The following CSNK1G1 variants were observed in gnomAD, a reference collection of about 807,000 sequenced individuals.
CSNK1G1 encodes casein kinase I isoform gamma-1.
In CSNK1G1, 22 loss-of-function variants were observed where a neutral mutation model predicts 59.6. The ratio of observed to expected loss-of-function variants is 0.37; its 90% confidence interval spans 0.26 to 0.53. The LOEUF (loss-of-function observed/expected upper bound fraction) is 0.53. Ranked by LOEUF, CSNK1G1 falls within the 20% of genes least tolerant of loss-of-function variation. The pLI, the probability that CSNK1G1 is intolerant of heterozygous loss-of-function variation, is 0.89. For missense variants in CSNK1G1, 384 were observed against 519.5 expected, an observed-to-expected ratio of 0.74 and a Z score of 2.54; for synonymous variants, 179 against 177.1, an observed-to-expected ratio of 1.01 and a Z score of -0.08.
intron 4 of CSNK1G1, among the ~76,000 whole-genome samples, chr15:64,250,079 G>C (rs948489742): frequency 2.6e-5 from 4 of 152,090 alleles, no homozygotes; most frequent in African/African-American, 9.7e-5. Flanking sequence ...ATGAAACCTA[G>C]AATAACTTAA....
At chr15:64,256,978 C>G (rs1336645692) in intron 3 of CSNK1G1, among the ~76,000 whole-genome samples, 1 of 152,006 alleles carries the variant, frequency 6.6e-6, no homozygotes, top group Admixed American at 6.6e-5. Flanking sequence ...GTGCTTAAGG[C>G]AAATTGACCA....
chr15:64,351,143 C>T (rs1450066566), intron 1 of CSNK1G1, among the ~76,000 whole-genome samples: 1 of 152,112 alleles, frequency 6.6e-6, no homozygotes, highest in Non-Finnish European at 1.5e-5. Context: ...GACTAAATCA[C>T]AGCTCCATAA....
At chr15:64,251,865 T>C (rs1435942067) in intron 3 of CSNK1G1, among the ~76,000 whole-genome samples, 1 of 152,196 alleles carries the variant, frequency 6.6e-6, no homozygotes, top group East Asian at 1.9e-4. Flanking sequence ...CTGGAATGTA[T>C]TCTGCCAGGA....
chr15:64,232,759 A>G (rs994770724), intron 4 of CSNK1G1, among the ~76,000 whole-genome samples: 31 of 152,192 alleles, frequency 2.0e-4, no homozygotes, highest in Non-Finnish European at 4.3e-4. Context: ...GGCAGCCACT[A>G]AAAGCTCTAC....
intron 11 of CSNK1G1, chr15:64,180,128 T>C (rs1398663178): frequency 1.9e-6 from 1 of 532,056 alleles, no homozygotes; most frequent in Admixed American, 3.1e-5. Flanking sequence ...TATGTCTTTT[T>C]CATGTGAACT....
intron 2 of CSNK1G1, among the ~76,000 whole-genome samples, chr15:64,264,344 T>C (rs1384949525): frequency 1.3e-5 from 2 of 151,966 alleles, no homozygotes; most frequent in Non-Finnish European, 2.9e-5. Flanking sequence ...ATAGAAAACC[T>C]GAAGAGAATA....
chr15:64,270,384 A>G (rs985151827), intron 2 of CSNK1G1, among the ~76,000 whole-genome samples: 1 of 151,872 alleles, frequency 6.6e-6, no homozygotes, highest in Non-Finnish European at 1.5e-5. Context: ...AATTATTTTC[A>G]TTGTGATACT....
chr15:64,320,055 C>T (rs924199151), intron 1 of CSNK1G1, among the ~76,000 whole-genome samples: 1 of 151,278 alleles, frequency 6.6e-6, no homozygotes, highest in Non-Finnish European at 1.5e-5. Context: ...CAAGTGAGCA[C>T]CATGACATCT....
intron 11 of CSNK1G1, among the ~76,000 whole-genome samples, chr15:64,178,486 T>C (rs1046390886): frequency 6.9e-5 from 10 of 145,510 alleles, no homozygotes; most frequent in East Asian, 5.8e-4. Flanking sequence ...AATTTTCTTT[T>C]TTTTTTTTTT....
intron 6 of CSNK1G1, among the ~76,000 whole-genome samples, chr15:64,207,824 C>G (rs568699805): frequency 6.6e-6 from 1 of 152,268 alleles, no homozygotes; most frequent in East Asian, 1.9e-4. Context: ...AGAGCAAATT[C>G]TGAATTAAAA....
chr15:64,325,711 G>T (rs1261278793), intron 1 of CSNK1G1, among the ~76,000 whole-genome samples: 2 of 152,062 alleles, frequency 1.3e-5, no homozygotes, highest in African/African-American at 4.8e-5. Context: ...TGCATACCAG[G>T]CACTATGCAA....
At chr15:64,234,572 C>T (rs191772610) in intron 4 of CSNK1G1, among the ~76,000 whole-genome samples, 79 of 152,208 alleles carry the variant, frequency 5.2e-4, no homozygotes, top group Non-Finnish European at 1.0e-3. Flanking sequence ...ACTCACTGCC[C>T]TATGCCAGGA....
rs1895250932 is a variant in CSNK1G1 at position 64,300,191 on chromosome 15, TTTC to T, written c.181+125_181+127del. 5 of 832,142 alleles carry T rather than the reference TTTC, an allele frequency of 6.0e-6. No homozygotes were observed. The African/African-American group carries it at 8.5e-5, about 14-fold the overall frequency. The allele number at this position is 832,142 out of a possible 1,614,324, so 51.5% of individuals were successfully genotyped here. A position where few individuals can be genotyped will look rare whatever the true frequency, so the allele number is the denominator to read the frequency against. On this transcript the variant is annotated intron_variant, in intron 2 of 11. Transcript: ENST00000303052. ...GACTATAGTGCCCCTTCACAAATTA[TTTC>T]TTAACAACAGGTTCTCCTTAAGAAA...
At chr15:64,246,637 AAAGG>A (rs1372891559) in intron 4 of CSNK1G1, among the ~76,000 whole-genome samples, 9 of 103,654 alleles carry the variant, frequency 8.7e-5, no homozygotes, top group African/African-American at 4.2e-4. Context: ...AAAAAAAAAA[AAAGG>A]GGGGGGGGGA....
chr15:64,314,522 T>A (rs1896165100), intron 1 of CSNK1G1, among the ~76,000 whole-genome samples: 2 of 148,788 alleles, frequency 1.3e-5, no homozygotes, highest in African/African-American at 5.0e-5. Context: ...TCAGCAATTT[T>A]AAAATGTACA....
chr15:64,302,202 C>T (rs923910227), intron 1 of CSNK1G1, among the ~76,000 whole-genome samples: 2 of 152,086 alleles, frequency 1.3e-5, no homozygotes, highest in African/African-American at 4.8e-5. Flanking sequence ...CAGGTTCACG[C>T]GATTCTCCTG....
At chr15:64,353,956 T>C (rs1898482376) in intron 1 of CSNK1G1, among the ~76,000 whole-genome samples, 1 of 152,196 alleles carries the variant, frequency 6.6e-6, no homozygotes, top group Non-Finnish European at 1.5e-5. Context: ...GTTTTTCTAG[T>C]AGCATAAATC....
chr15:64,239,593 G>A (rs917582821), intron 4 of CSNK1G1, among the ~76,000 whole-genome samples: 1 of 152,094 alleles, frequency 6.6e-6, no homozygotes, highest in African/African-American at 2.4e-5. Flanking sequence ...TCCCTAGGCT[G>A]ATCTCAAACT....
At position 64,333,885 on chromosome 15, in the gene CSNK1G1, A is replaced by T. The variant is rs570387493; in HGVS notation, c.-225+22103T>A. 2.0e-5 allele frequency among the ~76,000 whole-genome samples: 3 copies of T among 152,346 alleles called. No individual in the cohort carries two copies. In the South Asian group the frequency reaches 6.2e-4, roughly 32 times the overall value. On this transcript the variant is annotated intron_variant, in intron 1 of 11. Coordinates refer to ENST00000303052, the MANE Select transcript of CSNK1G1 (RefSeq NM_022048.5). ...ACATATATGTACCTAATTCTGGAGC[A>T]TCTAGATTCATAGAACAATTACTAC...
Sources: gnomAD v4.1 joint callset for allele counts (sites outside exome capture counted in the v4.1 genomes callset) on GRCh38, gnomAD v4.1.1 for gene constraint, MANE v1.5 for transcripts, NCBI Gene and HGNC (gene_info 2026-07-23, HGNC 2026-07-21) for gene names.